The following TTN variants were observed in gnomAD, a reference collection of about 807,000 sequenced individuals.
TTN encodes titin.
TTN carries 1,525 observed loss-of-function variants against 3,223.0 expected under a neutral mutation model. The ratio of observed to expected loss-of-function variants is 0.47; its 90% confidence interval spans 0.45 to 0.49. TTN has a LOEUF of 0.49. Among genes scored for constraint, TTN ranks in the 20% least tolerant of loss-of-function variants. The probability of loss-of-function intolerance (pLI) is 0.00; values close to 1 mark genes in which losing one functional copy is unlikely to be tolerated. For synonymous variants in TTN, 14,094 were observed against 15,161.0 expected, an observed-to-expected ratio of 0.93 and a Z score of 5.17; for missense variants, 40,786 against 43,424.0, an observed-to-expected ratio of 0.94 and a Z score of 5.40.
chr2:178,759,046 T>C lies in TTN; in HGVS notation c.10241A>G (p.Tyr3414Cys). ...AEAYPEDEGT[Y>C]TFVASNAVGQ... is the part of the protein sequence containing the mutation. ...TACAGCATTACTAGCAACAAACGTG[T>C]AAGTTCCTTCATCTTCTGGATAAGC... Residue 3414 changes from tyrosine (Y) to cysteine (C), a missense_variant, in exon 44 of 363, where the codon TAC becomes TGC. Tyr to Cys is a radical substitution (Grantham distance 194, BLOSUM62 -2). Coordinates refer to ENST00000589042, the MANE Select transcript of TTN (RefSeq NM_001267550.2). The C allele has an allele frequency of 6.2e-7, 1 of 1,614,036 alleles. No homozygotes were observed.
rs371574493 is a variant in TTN, at chr2:178,591,241, C to T, written c.60484G>A (p.Val20162Ile). The T allele has an allele frequency of 1.2e-6, 2 of 1,613,380 alleles. No homozygotes were observed. Among genetic ancestry groups the T allele is most frequent in the Non-Finnish European group, 1.7e-6 (2 of 1,179,556 alleles). ...TVSNAAGSKT[V>I]AVHLTVLDVP... ...TCAAGAACAGTAAGATGTACGGCTA[C>T]TGTTTTGCTACCGGCTGCATTGGAA... Residue 20162 changes from valine to isoleucine, a missense_variant, in exon 304 of 363, where the codon GTA becomes ATA. Physicochemically the swap from Val to Ile is conservative, Grantham distance 29 (BLOSUM62 3). Coordinates refer to ENST00000589042, the MANE Select transcript of TTN (RefSeq NM_001267550.2).
At position 178,740,155 on chromosome 2, in the gene TTN, T is replaced by G. The variant is rs727504903; in HGVS notation, c.13078A>C (p.Lys4360Gln). The part of the protein sequence containing the change: ...VMPPDQIIES[K>Q]REPVAIKKVQ... Reference sequence around the variant, plus strand: ...TTCTTTATTGCCACGGGCTCTCTTTTAGACTCAATGATTTGGTCTGGGGGC... The same window carrying G: ...TTCTTTATTGCCACGGGCTCTCTTTGAGACTCAATGATTTGGTCTGGGGGC... Residue 4360 changes from lysine (K) to glutamine (Q), a missense_variant, in exon 48 of 363, where the codon AAA becomes CAA. Coordinates refer to ENST00000589042, the MANE Select transcript of TTN (RefSeq NM_001267550.2). 2 of 1,613,856 alleles carry G rather than the reference T, an allele frequency of 1.2e-6. No homozygotes were observed. Among genetic ancestry groups the G allele is most frequent in the Non-Finnish European group, 1.7e-6 (2 of 1,179,822 alleles).
chr2:178,561,254 T>C lies in TTN; in HGVS notation c.84878A>G (p.Glu28293Gly), dbSNP rs879026651. The C allele has an allele frequency of 6.2e-7, 1 of 1,613,766 alleles. No individual in the cohort carries two copies. The highest frequency in any genetic ancestry group is 8.5e-7 in the Non-Finnish European group (1 of 1,179,790). Residue 28293 changes from glutamate (E) to glycine (G), a missense_variant, in exon 326 of 363, where the codon GAA becomes GGA. By Grantham distance (98) the Glu-to-Gly change is moderately conservative. Coordinates refer to ENST00000589042, the MANE Select transcript of TTN (RefSeq NM_001267550.2). ...KITGYIVERRELPDGRWLKCN... is the reference protein window; with the variant it reads ...KITGYIVERRGLPDGRWLKCN... ...CTTCAGCCACCGGCCATCTGGTAGT[T>C]CTCTGCGTTCAACAATGTATCCTGT...
chr2:178,551,524 G>A, intron 335 of TTN, 106 bp downstream of exon 335: 1 of 1,009,466 alleles, frequency 9.9e-7, no homozygotes, highest in Non-Finnish European at 1.4e-6. Context: ...CTAGTGACAA[G>A]AAGATATGTA....
chr2:178,618,249 T>C lies in TTN; in HGVS notation c.47209A>G (p.Arg15737Gly), dbSNP rs376440087. 1 of 1,612,896 alleles carries C rather than the reference T, an allele frequency of 6.2e-7. No individual in the cohort carries two copies. The highest frequency in any genetic ancestry group is 8.5e-7 in the Non-Finnish European group (1 of 1,179,196). The change falls in exon 252 of 363, where the codon AGA (arginine) becomes GGA (glycine). Residue 15737 changes from arginine (R) to glycine (G), a missense_variant. Physicochemically the swap from Arg to Gly is moderately radical, Grantham distance 125 (BLOSUM62 -2). Coordinates refer to ENST00000589042, the MANE Select transcript of TTN (RefSeq NM_001267550.2). Reference protein sequence around the residue: ...EYLFRVSARNRVGTGEPVETD... With the variant: ...EYLFRVSARNGVGTGEPVETD... ...TCTACTGGCTCACCAGTGCCAACTC[T>C]GTTTCTTGCACTCACACGGAATAGG...
chr2:178,619,908 A>G lies in TTN; in HGVS notation c.46430-21T>C, dbSNP rs1489634061. ...AATTTCTGGAAAGAAAATGTGAAAT[A>G]AATACAAATATGTTTACATTTTGAT... is the stretch of plus-strand genomic sequence containing the variant. On this transcript the variant is annotated intron_variant, in intron 249 of 362. Transcript: ENST00000589042. 4 of 1,602,076 alleles carry G rather than the reference A, an allele frequency of 2.5e-6. No individual in the cohort carries two copies. The African/African-American group carries it at 4.1e-5, about 16-fold the overall frequency.
At chr2:178,643,548 T>C (rs949445072) in intron 218 of TTN, among the ~76,000 whole-genome samples, 1 of 151,960 alleles carries the variant, frequency 6.6e-6, no homozygotes, top group Non-Finnish European at 1.5e-5. Context: ...AGGCATAATA[T>C]AGATTTTCTT....
At chr2:178,535,920 C>T (rs1048341734) in intron 357 of TTN, 62 bp downstream of exon 357, 1 of 1,509,442 alleles carries the variant, frequency 6.6e-7, no homozygotes, top group East Asian at 2.3e-5. Context: ...AGTGCAATAG[C>T]CTCCACCCCC....
At chr2:178,625,998 T>C (rs957089576) in intron 240 of TTN, among the ~76,000 whole-genome samples, 3 of 151,978 alleles carry the variant, frequency 2.0e-5, no homozygotes, top group Non-Finnish European at 2.9e-5. Context: ...ACAGCACATA[T>C]AGTATATACG....
In TTN at chr2:178,580,576, C is replaced by A; in HGVS notation, c.66803G>T (p.Arg22268Met). 3 of 1,611,540 alleles carry A rather than the reference C, an allele frequency of 1.9e-6. No individual in the cohort carries two copies. Among genetic ancestry groups the A allele is most frequent in the Non-Finnish European group, 2.5e-6 (3 of 1,178,988 alleles). The change falls in exon 317 of 363, where the codon AGG becomes ATG. Residue 22268 changes from arginine (R) to methionine (M), a missense_variant. Arg to Met is a moderately conservative substitution (Grantham distance 91). Coordinates refer to ENST00000589042, the MANE Select transcript of TTN (RefSeq NM_001267550.2). ...TCCAGCACGTAATATGAGTGTCTTC[C>A]TTAAGTCCGCATCAAGTTCTCCCTC... ...PPEGELDADL[R>M]KTLILRAGVT...
At position 178,561,461 on chromosome 2, in the gene TTN, A is replaced by C; in HGVS notation, c.84671T>G (p.Met28224Arg). The C allele has an allele frequency of 6.2e-7, 1 of 1,613,814 alleles. No individual in the cohort carries two copies. Among genetic ancestry groups the C allele is most frequent in the Non-Finnish European group, 8.5e-7 (1 of 1,179,766 alleles). The change falls in exon 326 of 363, where the codon ATG (methionine) becomes AGG (arginine). Residue 28224 changes from methionine to arginine, a missense_variant. Coordinates refer to ENST00000589042, the MANE Select transcript of TTN (RefSeq NM_001267550.2). The part of the protein sequence containing the change: ...MKVSGLDEGL[M>R]YEYRVYAENI... ...TTCAGCATATACACGATACTCATAC[A>C]TCAGTCCTTCATCAAGGCCGGAGAC... is the stretch of plus-strand genomic sequence containing the variant.
chr2:178,556,746 G>A (rs1036113295), intron 330 of TTN, 102 bp downstream of exon 330: 7 of 1,375,028 alleles, frequency 5.1e-6, no homozygotes, highest in Non-Finnish European at 6.9e-6. Context: ...ACCCCATTAA[G>A]GCACAGAGTA....
intron 223 of TTN, among the ~76,000 whole-genome samples, chr2:178,638,569 T>A (rs1461474583): frequency 2.0e-5 from 3 of 151,112 alleles, no homozygotes; most frequent in African/African-American, 7.3e-5. Context: ...TTTTTTTTTT[T>A]AAATTCACCC....
intron 106 of TTN, among the ~76,000 whole-genome samples, chr2:178,703,197 A>G (rs940873076): frequency 6.6e-6 from 1 of 152,224 alleles, no homozygotes; most frequent in Non-Finnish European, 1.5e-5. Context: ...ACATATGGGC[A>G]CAAACAAAGT....
chr2:178,671,840 C>T (rs2067043995), intron 155 of TTN, 131 bp downstream of exon 155: 3 of 903,230 alleles, frequency 3.3e-6, no homozygotes, highest in South Asian at 1.7e-5. Context: ...ATCTTTGTGT[C>T]AACTAGTTTA....
At chr2:178,714,903 A>C in intron 90 of TTN, 83 bp downstream of exon 90, 1 of 1,508,996 alleles carries the variant, frequency 6.6e-7, no homozygotes, top group Admixed American at 2.1e-5. Flanking sequence ...GCTAGTGATA[A>C]GACTGGGCTG....
Position 178,741,751 on chromosome 2 carries a change from T to G in TTN, c.11482A>C (p.Asn3828His). ...TGPIFIKEVSNADISMGDVAT... is the reference protein window; with the variant it reads ...TGPIFIKEVSHADISMGDVAT... ...ACATCCCCCATGCTTATATCAGCAT[T>G]TGACACTTCTTTGATGAAAATTGGG... The change falls in exon 48 of 363, where the codon AAT becomes CAT. Residue 3828 changes from asparagine (N) to histidine (H), a missense_variant. Coordinates refer to ENST00000589042, the MANE Select transcript of TTN (RefSeq NM_001267550.2). The G allele has an allele frequency of 6.2e-7, 1 of 1,613,602 alleles. No individual in the cohort carries two copies. Among genetic ancestry groups the G allele is most frequent in the Non-Finnish European group, 8.5e-7 (1 of 1,179,722 alleles).
In TTN at chr2:178,784,048, C is replaced by T; in HGVS notation, c.2775+22G>A. On this transcript the variant is annotated intron_variant, in intron 16 of 362. Transcript: ENST00000589042. ...TGCTCAATGGGAGTGGACCATGTAACAGCGGGTAACCAGTGACCAACCTTG... is the reference window on the plus strand; with the variant it reads ...TGCTCAATGGGAGTGGACCATGTAATAGCGGGTAACCAGTGACCAACCTTG... 3 of 1,611,966 alleles carry T rather than the reference C, an allele frequency of 1.9e-6. No individual in the cohort carries two copies. In the South Asian group the frequency reaches 3.3e-5, roughly 18 times the overall value.
At position 178,677,347 on chromosome 2, in the gene TTN, T is replaced by C. The variant is rs2068321340; in HGVS notation, c.34292-60A>G. ...ACATATACATGGTCATATATATATA[T>C]ATATATATATATATGAAAGAGACAC... is the stretch of plus-strand genomic sequence containing the variant. On this transcript the variant is annotated intron_variant, in intron 146 of 362. Coordinates refer to ENST00000589042, the MANE Select transcript of TTN (RefSeq NM_001267550.2). The C allele has an allele frequency of 1.1e-5, 5 of 469,726 alleles. 1 individual carries two copies. Among genetic ancestry groups the C allele is most frequent in the Admixed American group, 1.1e-4 (2 of 18,874 alleles). The allele number at this position is 469,726 out of a possible 1,614,324, so 29.1% of individuals were successfully genotyped here.
Sources: allele counts gnomAD v4.1 joint callset (sites outside exome capture counted in the v4.1 genomes callset), GRCh38; gene constraint gnomAD v4.1.1; transcripts MANE v1.5; gene names NCBI Gene and HGNC (gene_info 2026-07-23, HGNC 2026-07-21).